The following CBL variants were observed in gnomAD, a reference collection of about 807,000 sequenced individuals.
CBL encodes the protein E3 ubiquitin-protein ligase CBL.
CBL carries 45 observed loss-of-function variants against 96.9 expected under a neutral mutation model. The ratio of observed to expected loss-of-function variants is 0.46; its 90% CI spans 0.37 to 0.60. The LOEUF is 0.60. Ranked by LOEUF, CBL falls within the 20% of genes least tolerant of loss-of-function variation. CBL has a pLI of 0.00. For synonymous variants in CBL, 420 were observed against 426.8 expected (o/e 0.98, Z 0.20); for missense variants, 1,024 against 1,143.5 (o/e 0.90, Z 1.51).
chr11:119,245,940 C>T (rs566792809), intron 2 of CBL, among the ~76,000 whole-genome samples: 9 of 139,568 alleles, frequency 6.4e-5, no homozygotes, highest in Admixed American at 1.5e-4. Flanking sequence ...CTAAGACAGA[C>T]GCATTCTTTG....
At chr11:119,269,484 C>T (rs1949827156) in intron 2 of CBL, among the ~76,000 whole-genome samples, 2 of 151,824 alleles carry the variant, frequency 1.3e-5, no homozygotes, top group East Asian at 1.9e-4. Context: ...GGATTACAGG[C>T]GTGAACCACC....
At chr11:119,297,817 A>G (rs1210256681) in intron 14 of CBL, among the ~76,000 whole-genome samples, 2 of 152,134 alleles carry the variant, frequency 1.3e-5, no homozygotes, top group Non-Finnish European at 2.9e-5. Context: ...AGTATCCCCA[A>G]TCCTTTATTT....
At chr11:119,213,935 A>ATCTTT (rs1036585501) in intron 1 of CBL, among the ~76,000 whole-genome samples, 2 of 147,964 alleles carry the variant, frequency 1.4e-5, no homozygotes, top group Non-Finnish European at 1.5e-5. Context: ...GGGGGCATTC[A>ATCTTT]TCTTTTCTTT....
rs745855639 is a variant in CBL at position 119,274,936 on chromosome 11, C to T, written c.852C>T (p.Phe284=). 1.2e-6 allele frequency: 2 copies of T among 1,614,040 alleles called. No homozygotes were observed. The highest frequency in any genetic ancestry group is 1.7e-6 in the Non-Finnish European group (2 of 1,179,954). Residue 284 remains phenylalanine (F), a synonymous_variant, in exon 5 of 16, where the codon TTC becomes TTT. Coordinates refer to ENST00000264033, the MANE Select transcript of CBL (RefSeq NM_005188.4). The part of the protein sequence containing the change: ...YDEVKARLQK[F]IHKPGSYIFR... ...AAGTGAAAGCTCGGCTCCAGAAATTCATTCACAAACCTGGCAGGTCAGTTC... is the reference window on the plus strand; with the variant it reads ...AAGTGAAAGCTCGGCTCCAGAAATTTATTCACAAACCTGGCAGGTCAGTTC...
At chr11:119,267,504 A>T (rs545030337) in intron 2 of CBL, among the ~76,000 whole-genome samples, 35 of 152,186 alleles carry the variant, frequency 2.3e-4, no homozygotes, top group African/African-American at 8.2e-4. Flanking sequence ...TTATTCCAAG[A>T]CCCACTCCCT....
At position 119,273,911 on chromosome 11, in the gene CBL, G is replaced by A. The variant is rs775309469; in HGVS notation, c.634G>A (p.Val212Met). The A allele has an allele frequency of 6.2e-7, 1 of 1,614,076 alleles. No individual in the cohort carries two copies. Among genetic ancestry groups the A allele is most frequent in the Non-Finnish European group, 8.5e-7 (1 of 1,179,956 alleles). The change falls in exon 4 of 16, where the codon GTG (valine) becomes ATG (methionine). Residue 212 changes from valine (V) to methionine (M), a missense_variant. Val to Met is a conservative substitution (Grantham distance 21, BLOSUM62 1). This residue lies in a region of CBL where 192 missense variants were observed against 321.8 expected (regional missense o/e 0.60). Transcript: ENST00000264033. The part of the protein sequence containing the change: ...WKSFRQALHE[V>M]HPISSGLEAM... ...GAGCTTTCGACAGGCTCTACATGAA[G>A]TGCATCCCATCAGTTCTGGGCTGGA... is the stretch of plus-strand genomic sequence containing the variant.
intron 1 of CBL, among the ~76,000 whole-genome samples, chr11:119,230,757 A>G (rs1368280304): frequency 6.6e-6 from 1 of 152,214 alleles, no homozygotes; most frequent in Admixed American, 6.5e-5. Flanking sequence ...CCTTGTGTGC[A>G]TGTGTGAGTC....
chr11:119,232,383 A>C, intron 1 of CBL, 65 bp from the exon 2 acceptor site: 1 of 1,568,336 alleles, frequency 6.4e-7, no homozygotes, highest in Non-Finnish European at 8.7e-7. Flanking sequence ...ACTTTCTTAA[A>C]CTTAAAAAAG....
intron 1 of CBL, among the ~76,000 whole-genome samples, chr11:119,217,652 G>A (rs1949373188): frequency 6.6e-6 from 1 of 152,116 alleles, no homozygotes; most frequent in African/African-American, 2.4e-5. Flanking sequence ...AAGGCTGTAT[G>A]CCACAGTTGC....
intron 2 of CBL, among the ~76,000 whole-genome samples, chr11:119,265,127 G>A (rs1412593243): frequency 6.6e-6 from 1 of 152,084 alleles, no homozygotes; most frequent in Non-Finnish European, 1.5e-5. Flanking sequence ...GCAATCTGCC[G>A]GCCTCAGCCT....
chr11:119,248,074 C>A (rs1288695942), intron 2 of CBL, among the ~76,000 whole-genome samples: 1 of 152,070 alleles, frequency 6.6e-6, no homozygotes, highest in African/African-American at 2.4e-5. Flanking sequence ...ACAGTCATTG[C>A]AATACCTATC....
chr11:119,252,425 A>G (rs1270682923), intron 2 of CBL, among the ~76,000 whole-genome samples: 7 of 152,182 alleles, frequency 4.6e-5, no homozygotes, highest in African/African-American at 7.2e-5. Flanking sequence ...TTCATTGAGT[A>G]TGATTAAAAA....
intron 1 of CBL, among the ~76,000 whole-genome samples, chr11:119,215,319 T>G (rs1413538937): frequency 6.6e-6 from 1 of 152,212 alleles, no homozygotes; most frequent in Non-Finnish European, 1.5e-5. Flanking sequence ...GAGTTCAATG[T>G]TATATTCAAA....
intron 12 of CBL, among the ~76,000 whole-genome samples, chr11:119,293,723 A>G (rs1308787866): frequency 1.3e-5 from 2 of 152,208 alleles, no homozygotes. Context: ...TCATAACAGA[A>G]TACCTGAGAT....
intron 2 of CBL, among the ~76,000 whole-genome samples, chr11:119,255,354 G>A (rs971658155): frequency 1.3e-5 from 2 of 152,124 alleles, no homozygotes; most frequent in African/African-American, 4.8e-5. Flanking sequence ...TGGTAATCCA[G>A]GTGAGATCAT....
chr11:119,288,952 A>T (rs894166478), intron 12 of CBL, among the ~76,000 whole-genome samples: 8 of 152,236 alleles, frequency 5.3e-5, no homozygotes, highest in Non-Finnish European at 1.2e-4. Context: ...TTCAAAATAC[A>T]TACTTTTTCT....
In CBL at chr11:119,230,806, A is replaced by G. The variant is rs1187707152; in HGVS notation, c.196-1642A>G. On this transcript the variant is annotated intron_variant, in intron 1 of 15. Coordinates refer to ENST00000264033, the MANE Select transcript of CBL (RefSeq NM_005188.4). ...TCTGTTCCACTAGTTTGTCCACAGAAAAGTCCATGTAAATAGAAAGCACAA... is the reference window on the plus strand; with the variant it reads ...TCTGTTCCACTAGTTTGTCCACAGAGAAGTCCATGTAAATAGAAAGCACAA... 2.6e-5 allele frequency among the ~76,000 whole-genome samples: 4 copies of G among 152,244 alleles called. No individual in the cohort carries two copies. In the South Asian group the frequency reaches 8.3e-4, roughly 31 times the overall value.
chr11:119,249,551 C>CAAAAA (rs11378996), intron 2 of CBL, among the ~76,000 whole-genome samples: 16 of 116,190 alleles, frequency 1.4e-4, no homozygotes, highest in African/African-American at 4.3e-4. Flanking sequence ...GACTCGGTCT[C>CAAAAA]AAAAAAAAAA....
Position 119,274,043 on chromosome 11 carries a change from TGACTA to T in CBL, c.747+20_747+24del. ...CTTTCAGGTAGGACACTAAAAAAGT[TGACTA>T]AACTGGTTACTGCTACTTCGGTGAA... is the stretch of plus-strand genomic sequence containing the variant. On this transcript the variant is annotated intron_variant, in intron 4 of 15. Coordinates refer to ENST00000264033, the MANE Select transcript of CBL (RefSeq NM_005188.4). The T allele has an allele frequency of 6.2e-7, 1 of 1,604,312 alleles. No individual in the cohort carries two copies. The highest frequency in any genetic ancestry group is 1.3e-5 in the African/African-American group (1 of 74,856).
Sources: allele counts gnomAD v4.1 joint callset (sites outside exome capture counted in the v4.1 genomes callset), GRCh38; gene constraint gnomAD v4.1.1; regional missense constraint gnomAD v4.1.1; transcripts MANE v1.5; gene names NCBI Gene and HGNC (gene_info 2026-07-23, HGNC 2026-07-21).